SNAP91: variants seen among roughly 807,000 people sequenced by gnomAD.
SNAP91 encodes synaptosome associated protein 91, also known as clathrin coat assembly protein AP180.
A neutral mutation model predicts 100.3 loss-of-function variants in SNAP91; 27 were observed. The ratio of observed to expected loss-of-function variants is 0.27; its 90% CI spans 0.20 to 0.37. The LOEUF (loss-of-function observed/expected upper bound fraction) is 0.37. Ranked by LOEUF, SNAP91 falls within the 10% of genes least tolerant of loss-of-function variation. SNAP91 has a pLI of 1.00. For missense variants in SNAP91, 986 were observed against 1,123.7 expected (o/e 0.88, Z 1.75); for synonymous variants, 404 against 398.6 (o/e 1.01, Z -0.16).
At chr6:83,609,392 A>G (rs982408137) in intron 12 of SNAP91, among the ~76,000 whole-genome samples, 10 of 152,178 alleles carry the variant, frequency 6.6e-5, no homozygotes, top group African/African-American at 2.2e-4. Flanking sequence ...ACCTGGCCTT[A>G]TATCAGAATA....
intron 16 of SNAP91, among the ~76,000 whole-genome samples, chr6:83,598,093 T>C (rs1167721638): frequency 6.6e-6 from 1 of 152,176 alleles, no homozygotes; most frequent in African/African-American, 2.4e-5. Flanking sequence ...TTTAGCATTC[T>C]AGTATTTAGA....
At chr6:83,570,726 T>TG (rs1216217778) in intron 26 of SNAP91, among the ~76,000 whole-genome samples, 1 of 152,150 alleles carries the variant, frequency 6.6e-6, no homozygotes, top group Non-Finnish European at 1.5e-5. Context: ...AGCTTACATG[T>TG]GGTGTTGAGC....
intron 7 of SNAP91, among the ~76,000 whole-genome samples, chr6:83,654,337 A>AGC (rs1312016620): frequency 6.6e-6 from 1 of 152,140 alleles, no homozygotes; most frequent in African/African-American, 2.4e-5. Flanking sequence ...TGGATCCCAG[A>AGC]AGAGCTGTTG....
At chr6:83,704,504 T>C (rs2099355099) in intron 2 of SNAP91, among the ~76,000 whole-genome samples, 1 of 152,178 alleles carries the variant, frequency 6.6e-6, no homozygotes, top group African/African-American at 2.4e-5. Flanking sequence ...CCTCAGATGT[T>C]AACAAATCAT....
At chr6:83,561,026 G>A (rs1299444388) in intron 26 of SNAP91, 79 bp from the exon 27 acceptor site, 3 of 920,996 alleles carry the variant, frequency 3.3e-6, no homozygotes, top group East Asian at 2.8e-5. Flanking sequence ...CAAACAAAAA[G>A]AACAATATAA....
At chr6:83,602,266 C>G (rs544106721) in intron 14 of SNAP91, among the ~76,000 whole-genome samples, 1 of 151,990 alleles carries the variant, frequency 6.6e-6, no homozygotes, top group South Asian at 2.1e-4. Context: ...AATAAATTTG[C>G]TAAAATTTGG....
chr6:83,604,046 C>T (rs2095459756), intron 14 of SNAP91, among the ~76,000 whole-genome samples: 2 of 151,698 alleles, frequency 1.3e-5, no homozygotes, highest in Non-Finnish European at 2.9e-5. Flanking sequence ...TTATTTTTTC[C>T]TTTTATTTGG....
chr6:83,641,064 T>A (rs1285100943), intron 8 of SNAP91, 32 bp downstream of exon 8: 3 of 1,227,816 alleles, frequency 2.4e-6, no homozygotes, highest in Non-Finnish European at 2.2e-6. Context: ...ATTTAAAAAA[T>A]TATATTCCCA....
At chr6:83,582,891 T>A (rs537060982) in intron 22 of SNAP91, among the ~76,000 whole-genome samples, 1 of 152,080 alleles carries the variant, frequency 6.6e-6, no homozygotes, top group Non-Finnish European at 1.5e-5. Context: ...AGTCACGGAG[T>A]GGGATGGCAT....
At chr6:83,649,126 A>C (rs188527942) in intron 7 of SNAP91, among the ~76,000 whole-genome samples, 25 of 152,330 alleles carry the variant, frequency 1.6e-4, no homozygotes, top group Non-Finnish European at 2.9e-4. Context: ...TGAATAACAA[A>C]TTACTCCAAA....
intron 8 of SNAP91, 30 bp downstream of exon 8, chr6:83,641,066 A>T: frequency 8.1e-7 from 1 of 1,232,402 alleles, no homozygotes; most frequent in Non-Finnish European, 1.1e-6. Context: ...TTAAAAAATT[A>T]TATTCCCAAG....
intron 9 of SNAP91, among the ~76,000 whole-genome samples, chr6:83,622,988 T>C (rs1373406872): frequency 6.6e-6 from 1 of 152,144 alleles, no homozygotes; most frequent in East Asian, 1.9e-4. Flanking sequence ...TGACTTTTCA[T>C]AGCCAAAGCA....
chr6:83,580,423 A>T, intron 24 of SNAP91, 27 bp downstream of exon 24: 1 of 308,430 alleles, frequency 3.2e-6, no homozygotes, highest in Non-Finnish European at 3.9e-6. Flanking sequence ...TCAGTTAAAG[A>T]AAAAAAAAAA....
intron 2 of SNAP91, among the ~76,000 whole-genome samples, chr6:83,698,619 T>C (rs990081992): frequency 5.3e-5 from 8 of 152,210 alleles, no homozygotes; most frequent in Admixed American, 2.0e-4. Context: ...AAATGTGTTC[T>C]GCTCTTCCTA....
intron 2 of SNAP91, chr6:83,690,201 A>T (rs937149324): frequency 5.7e-6 from 5 of 873,792 alleles, no homozygotes; most frequent in East Asian, 2.0e-4. Context: ...GAATATTTGA[A>T]TTTTTTTCAG....
At chr6:83,624,117 A>C (rs746263275) in intron 8 of SNAP91, among the ~76,000 whole-genome samples, 1 of 152,118 alleles carries the variant, frequency 6.6e-6, no homozygotes, top group East Asian at 1.9e-4. Flanking sequence ...GTAGAAGTGG[A>C]ATTACCAGAT....
chr6:83,607,897 T>C, intron 12 of SNAP91, 89 bp from the exon 13 acceptor site: 1 of 573,644 alleles, frequency 1.7e-6, no homozygotes, highest in Non-Finnish European at 2.8e-6. Context: ...AACCATGACA[T>C]GCCCAGCAAT....
chr6:83,661,095 T>C (rs1035337095), intron 5 of SNAP91, among the ~76,000 whole-genome samples: 1 of 152,182 alleles, frequency 6.6e-6, no homozygotes, highest in Non-Finnish European at 1.5e-5. Context: ...GGTATCACTG[T>C]GCCAGGCCAA....
intron 8 of SNAP91, among the ~76,000 whole-genome samples, chr6:83,635,298 C>G (rs1278417125): frequency 6.6e-6 from 1 of 152,090 alleles, no homozygotes; most frequent in African/African-American, 2.4e-5. Context: ...AGAAGTACTT[C>G]TCTTATAAAT....
Sources: gnomAD v4.1 joint callset for allele counts (sites outside exome capture counted in the v4.1 genomes callset) on GRCh38, gnomAD v4.1.1 for gene constraint, MANE v1.5 for transcripts, NCBI Gene and HGNC (gene_info 2026-07-23, HGNC 2026-07-21) for gene names.